Variants in CIMAP2 observed in about 807,000 individuals in gnomAD.
The protein encoded by CIMAP2 is ciliary microtubule-associated protein 2.
the CIMAP2 span, among the ~76,000 whole-genome samples, chr1:54,810,193 A>T: frequency 6.6e-6 from 1 of 152,070 alleles, no homozygotes; most frequent in Non-Finnish European, 1.5e-5. Flanking sequence ...CTCACTGCCA[A>T]CCCACCCCGG....
At chr1:54,821,886 C>CTTTTTTTTT in the CIMAP2 span, among the ~76,000 whole-genome samples, 393 of 66,598 alleles carry the variant, frequency 5.9e-3, 25 homozygotes, top group Non-Finnish European at 7.5e-3. Context: ...CCTCTTATTT[C>CTTTTTTTTT]TTTTTTTTTT....
At chr1:54,806,111 C>CGGAGGCGGG in the CIMAP2 span, 1 of 1,526,414 alleles carries the variant, frequency 6.6e-7, no homozygotes, top group East Asian at 2.5e-5. Flanking sequence ...AGCGCGCAGG[C>CGGAGGCGGG]CTGCCATGAG....
the CIMAP2 span, among the ~76,000 whole-genome samples, chr1:54,827,946 A>G: frequency 6.6e-6 from 1 of 152,170 alleles, no homozygotes; most frequent in South Asian, 2.1e-4. Context: ...GAGAAATAGC[A>G]GGTCCTTTGA....
At chr1:54,811,513 G>A in the CIMAP2 span, among the ~76,000 whole-genome samples, 1 of 152,164 alleles carries the variant, frequency 6.6e-6, no homozygotes, top group Non-Finnish European at 1.5e-5. Flanking sequence ...AGCCCATTAT[G>A]TTGGCCAAAG....
the CIMAP2 span, chr1:54,811,775 C>CA: frequency 8.3e-6 from 4 of 484,766 alleles, 1 homozygote; most frequent in Admixed American, 5.4e-5. Context: ...GCCTCCATGC[C>CA]CCCACCCCCG....
At chr1:54,839,658 A>T in the CIMAP2 span, among the ~76,000 whole-genome samples, 18 of 152,140 alleles carry the variant, frequency 1.2e-4, no homozygotes, top group Admixed American at 3.9e-4. Context: ...GATTATAGGC[A>T]TGAGCCACCA....
At chr1:54,812,204 G>T in the CIMAP2 span, 1 of 1,614,126 alleles carries the variant, frequency 6.2e-7, no homozygotes. Flanking sequence ...GTACCCAGGG[G>T]TTGAAGGGTG....
the CIMAP2 span, among the ~76,000 whole-genome samples, chr1:54,822,510 T>A: frequency 3.9e-5 from 6 of 152,202 alleles, no homozygotes; most frequent in African/African-American, 9.6e-5. Flanking sequence ...CGTTGTTTAT[T>A]TGAAATCTTT....
chr1:54,817,270 G>T, the CIMAP2 span: 1 of 1,127,032 alleles, frequency 8.9e-7, no homozygotes, highest in Non-Finnish European at 1.2e-6. Flanking sequence ...GTGGAGGGAC[G>T]TTCACGTTCA....
the CIMAP2 span, among the ~76,000 whole-genome samples, chr1:54,819,824 C>CTTTCTTTTTCTTTCTTTCTTTCTT: frequency 3.7e-3 from 367 of 100,262 alleles, 7 homozygotes; most frequent in African/African-American, 7.7e-3. Context: ...TTCTTTCTTT[C>CTTTCTTTTTCTTTCTTTCTTTCTT]TCTTTCTTTC....
chr1:54,812,093 G>T, the CIMAP2 span: 1 of 1,614,164 alleles, frequency 6.2e-7, no homozygotes. Flanking sequence ...GCGACCTTGA[G>T]ACATATGTGG....
At chr1:54,840,611 G>A in the CIMAP2 span, among the ~76,000 whole-genome samples, 2 of 152,160 alleles carry the variant, frequency 1.3e-5, no homozygotes, top group East Asian at 3.8e-4. Context: ...CAACGTATGA[G>A]GGGTCTAAAG....
chr1:54,807,132 C>A, the CIMAP2 span: 3 of 1,531,998 alleles, frequency 2.0e-6, no homozygotes, highest in Non-Finnish European at 2.7e-6. Context: ...CTGGCCACTG[C>A]CCCTTCGAGC....
the CIMAP2 span, among the ~76,000 whole-genome samples, chr1:54,836,098 C>T: frequency 7.9e-5 from 12 of 151,996 alleles, no homozygotes; most frequent in Non-Finnish European, 1.6e-4. Context: ...TCCCCTCAAA[C>T]CCCTCTGCAT....
At chr1:54,807,524 A>C in the CIMAP2 span, 24 of 1,539,556 alleles carry the variant, frequency 1.6e-5, no homozygotes, top group Non-Finnish European at 2.1e-5. Context: ...ACTCTGACTC[A>C]GTCCCACATA....
chr1:54,834,779 C>T, the CIMAP2 span, among the ~76,000 whole-genome samples: 1 of 152,222 alleles, frequency 6.6e-6, no homozygotes, highest in South Asian at 2.1e-4. Context: ...TTGACTGCCA[C>T]CCATCACATG....
chr1:54,830,016 G>C, the CIMAP2 span, among the ~76,000 whole-genome samples: 1 of 152,030 alleles, frequency 6.6e-6, no homozygotes, highest in South Asian at 2.1e-4. This position sits in a 1 kb window ranked among gnomAD's most constrained non-coding sequence, Gnocchi z 4.1. Flanking sequence ...GGCACTTGTT[G>C]ATTATGGACT....
At chr1:54,823,207 C>T in the CIMAP2 span, among the ~76,000 whole-genome samples, 1 of 152,126 alleles carries the variant, frequency 6.6e-6, no homozygotes, top group African/African-American at 2.4e-5. Context: ...CTATCTCTTT[C>T]TTTAGCTCTA....
At chr1:54,821,245 G>T in the CIMAP2 span, among the ~76,000 whole-genome samples, 4 of 152,152 alleles carry the variant, frequency 2.6e-5, no homozygotes, top group East Asian at 5.8e-4. Flanking sequence ...AGTCCTATTT[G>T]TGTATTTTTG....
Sources: allele counts gnomAD v4.1 joint callset (sites outside exome capture counted in the v4.1 genomes callset), GRCh38; gene constraint gnomAD v4.1.1; non-coding constraint Gnocchi (gnomAD v3.1); transcripts MANE v1.5; gene names NCBI Gene and HGNC (gene_info 2026-07-23, HGNC 2026-07-21).